ERBB3: variants seen among roughly 807,000 people sequenced by gnomAD.
ERBB3 encodes the protein receptor tyrosine-protein kinase erbB-3.
ERBB3 carries 96 observed loss-of-function variants against 156.7 expected under a neutral mutation model. That is an observed-to-expected ratio of 0.61 (90% CI 0.52 to 0.73). ERBB3 has a LOEUF of 0.73. Among genes scored for constraint, ERBB3 ranks in the 30% least tolerant of loss-of-function variants. ERBB3 has a pLI of 0.00. For synonymous variants in ERBB3, 567 were observed against 632.0 expected (o/e 0.90, Z 1.54); for missense variants, 1,406 against 1,709.4 (o/e 0.82, Z 3.13).
intron 25 of ERBB3, 47 bp from the exon 26 acceptor site, chr12:56,100,127 T>C (rs1181420575): frequency 2.5e-6 from 4 of 1,589,394 alleles, no homozygotes; most frequent in African/African-American, 1.3e-5. Context: ...ATGGTGAATG[T>C]AGATTTCTCC....
chr12:56,085,493 C>T, intron 3 of ERBB3: 2 of 1,304,152 alleles, frequency 1.5e-6, no homozygotes, highest in Non-Finnish European at 2.0e-6. Context: ...ACCTGTAATC[C>T]CAGCATTTTG....
In ERBB3 at chr12:56,080,243, C is replaced by T. The variant is rs533262937; in HGVS notation, c.-58C>T. On this transcript the variant is annotated 5_prime_UTR_variant, in exon 1 of 28. Transcript: ENST00000267101. ...TTCAGGTGGCTCTTGCCTCGATGTC[C>T]TAGCCTAGGGGCCCCCGGGCCGGAC... 7.1e-7 allele frequency: 1 copy of T among 1,417,692 alleles called. No homozygotes were observed. The highest frequency in any genetic ancestry group is 9.7e-7 in the Non-Finnish European group (1 of 1,028,780). The allele number at this position is 1,417,692 out of a possible 1,614,324, so 87.8% of individuals were successfully genotyped here.
In ERBB3 at chr12:56,097,106, C is replaced by T; in HGVS notation, c.2336C>T (p.Pro779Leu). The T allele has an allele frequency of 6.2e-7, 1 of 1,614,146 alleles. No individual in the cohort carries two copies. The highest frequency in any genetic ancestry group is 8.5e-7 in the Non-Finnish European group (1 of 1,180,028). ...AHIVRLLGLC[P>L]GSSLQLVTQY... ...ATTGTAAGGCTGCTGGGACTATGCC[C>T]AGGGTCATCTCTGCAGCTTGTCACT... The change falls in exon 20 of 28, where the codon CCA becomes CTA. Residue 779 changes from proline to leucine, a missense_variant. Physicochemically the swap from Pro to Leu is moderately conservative, Grantham distance 98. Around this residue, in one of 3 missense-constraint regions of ERBB3, gnomAD observed 979 missense variants for 1,219.6 expected, o/e 0.80. Coordinates refer to ENST00000267101, the MANE Select transcript of ERBB3 (RefSeq NM_001982.4).
chr12:56,093,216 C>G (rs2136808939), intron 11 of ERBB3, 129 bp from the exon 12 acceptor site: 1 of 1,160,210 alleles, frequency 8.6e-7, no homozygotes, highest in South Asian at 1.2e-5. Flanking sequence ...GAGGAAAAGG[C>G]AAAAGGAGGG....
chr12:56,098,720 C>G (rs2136821978), intron 22 of ERBB3, 39 bp from the exon 23 acceptor site: 1 of 1,613,032 alleles, frequency 6.2e-7, no homozygotes, highest in Non-Finnish European at 8.5e-7. Flanking sequence ...CCCATGTCTA[C>G]TATTTTGCCA....
rs1241796385 is a variant in ERBB3 at position 56,096,372 on chromosome 12, C to G, written c.2056-131C>G. On this transcript the variant is annotated intron_variant, in intron 17 of 27. Coordinates refer to ENST00000267101, the MANE Select transcript of ERBB3 (RefSeq NM_001982.4). ...TACCTCAATATGCCTATAATCCATT[C>G]CAGGACTAACGGTGCTTCCTCTTCC... The G allele has an allele frequency of 1.4e-5, 15 of 1,110,528 alleles. No individual in the cohort carries two copies. The African/African-American group carries it at 1.7e-4, about 12-fold the overall frequency. The allele number at this position is 1,110,528 out of a possible 1,614,324, so 68.8% of individuals were successfully genotyped here.
At chr12:56,097,647 C>T (rs972752862) in intron 20 of ERBB3, 138 bp from the exon 21 acceptor site, 2 of 897,328 alleles carry the variant, frequency 2.2e-6, no homozygotes, top group East Asian at 4.8e-5. Context: ...GAAAAACTGT[C>T]TTCCACAAAA....
chr12:56,080,606 G>C (rs1198925266), intron 1 of ERBB3, among the ~76,000 whole-genome samples: 1 of 152,196 alleles, frequency 6.6e-6, no homozygotes, highest in African/African-American at 2.4e-5. Flanking sequence ...CCAGAGCGTC[G>C]CCGACCCTCT....
At chr12:56,083,703 G>C (rs949680708) in intron 1 of ERBB3, 48 bp from the exon 2 acceptor site, 2 of 1,611,742 alleles carry the variant, frequency 1.2e-6, no homozygotes, top group African/African-American at 2.7e-5. Context: ...CAGATGGGCT[G>C]AGAATTTGTG....
chr12:56,101,286 G>T lies in ERBB3; in HGVS notation c.3427G>T (p.Val1143Phe), dbSNP rs1341063776. Residue 1143 changes from valine (V) to phenylalanine (F), a missense_variant, in exon 27 of 28, where the codon GTT becomes TTT. Val to Phe is a conservative substitution (Grantham distance 50). Around this residue, in one of 3 missense-constraint regions of ERBB3, gnomAD observed 415 missense variants for 454.1 expected, o/e 0.91. Coordinates refer to ENST00000267101, the MANE Select transcript of ERBB3 (RefSeq NM_001982.4). ...HSQRHSLLTP[V>F]TPLSPPGLEE... is the part of the protein sequence containing the mutation. ...CCAGCGCCACAGTCTGCTGACTCCT[G>T]TTACCCCACTCTCCCCACCCGGGTT... The T allele has an allele frequency of 1.9e-6, 3 of 1,614,030 alleles. No individual in the cohort carries two copies. In the African/African-American group the frequency reaches 4.0e-5, roughly 22 times the overall value.
At chr12:56,092,857 G>C (rs1868761040) in intron 10 of ERBB3, 37 bp downstream of exon 10, 2 of 1,588,368 alleles carry the variant, frequency 1.3e-6, no homozygotes, top group African/African-American at 2.7e-5. Flanking sequence ...TAGAAGAATA[G>C]GTGAACCACT....
intron 9 of ERBB3, among the ~76,000 whole-genome samples, chr12:56,092,189 A>C (rs12372070): frequency 1.3e-5 from 2 of 151,664 alleles, no homozygotes; most frequent in Non-Finnish European, 2.9e-5. Flanking sequence ...GGAGTTCAAG[A>C]CCAGCCTGGC....
chr12:56,088,186 A>G (rs2136795838), intron 7 of ERBB3, 24 bp downstream of exon 7: 1 of 1,612,934 alleles, frequency 6.2e-7, no homozygotes, highest in Admixed American at 1.7e-5. Flanking sequence ...GGGAAGGAAC[A>G]ATGATCAACA....
intron 2 of ERBB3, among the ~76,000 whole-genome samples, chr12:56,084,202 A>T (rs558825504): frequency 4.6e-5 from 7 of 152,208 alleles, no homozygotes; most frequent in Admixed American, 4.6e-4. Context: ...ACCTGGGGAG[A>T]TGAGGAAGGG....
In ERBB3 at chr12:56,102,900, G is replaced by A; in HGVS notation, c.*845G>A. 4.4e-6 allele frequency: 1 copy of A among 224,776 alleles called. No homozygotes were observed. 13.9% of individuals were successfully genotyped at this position (224,776 alleles called of 1,614,324 possible). ...CCAGCACTTTGGGAGGCTGAGATGG[G>A]AAGATCACTTGAGCCCAGAATTAGA... On this transcript the variant is annotated 3_prime_UTR_variant, in exon 28 of 28. Transcript: ENST00000267101.
chr12:56,098,936 T>C, intron 23 of ERBB3, 31 bp downstream of exon 23: 1 of 1,569,960 alleles, frequency 6.4e-7, no homozygotes, highest in Non-Finnish European at 8.7e-7. Flanking sequence ...AACCATTTTC[T>C]CTTTTTTTCT....
At chr12:56,086,398 G>T in intron 3 of ERBB3, 133 bp from the exon 4 acceptor site, 2 of 1,097,720 alleles carry the variant, frequency 1.8e-6, no homozygotes, top group East Asian at 2.4e-5. Flanking sequence ...CTGCAGCTTA[G>T]ATTTAATTGG....
intron 4 of ERBB3, 131 bp downstream of exon 4, chr12:56,086,787 C>T: frequency 9.2e-7 from 1 of 1,089,638 alleles, no homozygotes; most frequent in Non-Finnish European, 1.4e-6. Context: ...CCTGACTCAG[C>T]AGCCCACCAG....
intron 23 of ERBB3, 29 bp downstream of exon 23, chr12:56,098,934 T>C (rs1868988450): frequency 1.3e-6 from 2 of 1,593,202 alleles, no homozygotes; most frequent in Non-Finnish European, 1.7e-6. Flanking sequence ...CCAACCATTT[T>C]CTCTTTTTTT....
Sources: gnomAD v4.1 joint callset for allele counts (sites outside exome capture counted in the v4.1 genomes callset) on GRCh38, gnomAD v4.1.1 for gene constraint, gnomAD v4.1.1 regional missense constraint, MANE v1.5 for transcripts, NCBI Gene and HGNC (gene_info 2026-07-23, HGNC 2026-07-21) for gene names.